Variants in PAQR7 observed in about 807,000 individuals in gnomAD.
PAQR7 encodes progestin and adipoQ receptor family member 7.
In PAQR7, 14 loss-of-function variants were observed where a neutral mutation model predicts 24.6. The ratio of observed to expected loss-of-function variants is 0.57; its 90% CI spans 0.38 to 0.89. The LOEUF (loss-of-function observed/expected upper bound fraction) is 0.89, where lower values mean the gene tolerates loss of function less well. Ranked by LOEUF, PAQR7 falls within the 40% of genes least tolerant of loss-of-function variation. The pLI is 0.00. For synonymous variants in PAQR7, 189 were observed against 198.8 expected (o/e 0.95, Z 0.42); for missense variants, 351 against 444.0 (o/e 0.79, Z 1.88).
In PAQR7 at chr1:25,875,640, G is replaced by T. The variant is rs1034993479; in HGVS notation, c.-261C>A. ...AGCCGCCTCCGCGGGCCCAGGCGAC[G>T]CCGAGCGCCCCGCACCCCGCCCGCC... On this transcript the variant is annotated 5_prime_UTR_variant, in exon 1 of 3. Coordinates refer to ENST00000675840, the MANE Select transcript of PAQR7 (RefSeq NM_178422.6). The surrounding 1 kb of genome is among the most constrained non-coding windows in gnomAD (Gnocchi z 5.4). Among the ~76,000 whole-genome samples, 20 of 150,790 alleles carry T rather than the reference G, an allele frequency of 1.3e-4. No homozygotes were observed. In the East Asian group the frequency reaches 3.6e-3, roughly 27 times the overall value.
Position 25,863,663 on chromosome 1 carries a change from G to C in PAQR7, c.177C>G (p.Arg59=). Residue 59 remains arginine (R), a synonymous_variant, in exon 3 of 3, where the codon CGC becomes CGG. Coordinates refer to ENST00000675840, the MANE Select transcript of PAQR7 (RefSeq NM_178422.6). The surrounding 1 kb of genome is among the most constrained non-coding windows in gnomAD (Gnocchi z 6.1). ...GCTGGAACAGCGTGCGGAAATAGAA[G>C]CGCCAGGTCTGATGCAGCGGCCGGT... ...AGYRPLHQTW[R]FYFRTLFQQH... is the part of the protein sequence containing the mutation. 6.2e-7 allele frequency: 1 copy of C among 1,614,184 alleles called. No individual in the cohort carries two copies. Among genetic ancestry groups the C allele is most frequent in the Non-Finnish European group, 8.5e-7 (1 of 1,180,018 alleles).
chr1:25,871,117 G>A (rs752513159), intron 1 of PAQR7: 2 of 152,202 alleles, frequency 1.3e-5, no homozygotes, highest in Non-Finnish European at 2.9e-5. Context: ...TTCACTGTGT[G>A]CTTAAACATT....
intron 2 of PAQR7, among the ~76,000 whole-genome samples, chr1:25,865,302 C>A (rs1274248720): frequency 1.3e-5 from 2 of 152,218 alleles, no homozygotes; most frequent in Non-Finnish European, 2.9e-5. Context: ...GTGAGCTCAT[C>A]AAGGGGAGGC....
chr1:25,873,971 C>T (rs1159731628), intron 1 of PAQR7, among the ~76,000 whole-genome samples: 1 of 152,036 alleles, frequency 6.6e-6, no homozygotes, highest in African/African-American at 2.4e-5. Context: ...GCAACCTCCG[C>T]CTCCCGGCTT....
In PAQR7 at chr1:25,862,832, C is replaced by T. The variant is rs1353046223; in HGVS notation, c.1008G>A (p.Leu336=). 1 of 1,613,956 alleles carries T rather than the reference C, an allele frequency of 6.2e-7. No homozygotes were observed. Among genetic ancestry groups the T allele is most frequent in the Non-Finnish European group, 8.5e-7 (1 of 1,179,998 alleles). ...TCTTCTGATCAAGTTTGCGCTGTAC[C>T]AGCTGGCTCAGGAGGAATGCAGTGA... is the stretch of plus-strand genomic sequence containing the variant. The part of the protein sequence containing the change: ...SILTAFLLSQ[L]VQRKLDQKTK Residue 336 remains leucine (L), a synonymous_variant, in exon 3 of 3, where the codon CTG becomes CTA. Coordinates refer to ENST00000675840, the MANE Select transcript of PAQR7 (RefSeq NM_178422.6).
chr1:25,867,767 T>A (rs2048569187), intron 2 of PAQR7, among the ~76,000 whole-genome samples: 1 of 152,110 alleles, frequency 6.6e-6, no homozygotes, highest in Non-Finnish European at 1.5e-5. Flanking sequence ...CAAGCCCACA[T>A]CTCCAGAGCC....
intron 1 of PAQR7, among the ~76,000 whole-genome samples, chr1:25,872,746 A>G (rs572375093): frequency 1.4e-4 from 22 of 152,164 alleles, no homozygotes; most frequent in African/African-American, 4.8e-4. Flanking sequence ...CCTGGTCTCA[A>G]GTCATCCTCC....
intron 2 of PAQR7, among the ~76,000 whole-genome samples, chr1:25,869,854 C>T (rs537836908): frequency 1.3e-5 from 2 of 152,250 alleles, no homozygotes; most frequent in South Asian, 4.1e-4. Context: ...CCAGGGAGGC[C>T]CTGGCTCAAG....
intron 1 of PAQR7, among the ~76,000 whole-genome samples, chr1:25,874,726 A>G (rs2048634990): frequency 6.6e-6 from 1 of 152,178 alleles, no homozygotes; most frequent in Non-Finnish European, 1.5e-5. Context: ...GGCCTCCTCC[A>G]GGGGCTGCTA....
At chr1:25,874,045 G>A (rs1017479954) in intron 1 of PAQR7, among the ~76,000 whole-genome samples, 4 of 151,976 alleles carry the variant, frequency 2.6e-5, no homozygotes, top group African/African-American at 4.8e-5. Context: ...CACCACACCC[G>A]GCTAATTTTG....
At position 25,863,382 on chromosome 1, in the gene PAQR7, C is replaced by T. The variant is rs763325248; in HGVS notation, c.458G>A (p.Ser153Asn). The change falls in exon 3 of 3, where the codon AGT becomes AAT. Residue 153 changes from serine to asparagine, a missense_variant. Ser to Asn is a conservative substitution (Grantham distance 46, BLOSUM62 1). Coordinates refer to ENST00000675840, the MANE Select transcript of PAQR7 (RefSeq NM_178422.6). This position sits in a 1 kb window ranked among gnomAD's most constrained non-coding sequence, Gnocchi z 6.1. Reference protein sequence around the residue: ...YVGVAVYQFGSALAHFYYAIE... With the variant: ...YVGVAVYQFGNALAHFYYAIE... ...AGCATAGTAGAAGTGTGCCAAGGCA[C>T]TGCCAAACTGGTACACGGCCACCCC... 1.9e-6 allele frequency: 3 copies of T among 1,614,126 alleles called. No homozygotes were observed. The African/African-American group carries it at 4.0e-5, about 22-fold the overall frequency.
At chr1:25,874,430 G>T (rs573667502) in intron 1 of PAQR7, among the ~76,000 whole-genome samples, 5 of 152,354 alleles carry the variant, frequency 3.3e-5, no homozygotes, top group African/African-American at 9.6e-5. Context: ...GGCCCAGAGA[G>T]GTTGGGTGAA....
At chr1:25,873,861 G>A (rs1355273665) in intron 1 of PAQR7, among the ~76,000 whole-genome samples, 1 of 152,042 alleles carries the variant, frequency 6.6e-6, no homozygotes, top group African/African-American at 2.4e-5. Context: ...ATGAGCCACT[G>A]TGCCCAGCCT....
rs1321643407 is a variant in PAQR7 at position 25,863,253 on chromosome 1, T to C, written c.587A>G (p.Gln196Arg). ...TGTGCGGCCCAGCAGGCCTGGTTTCTGGATGTACTTGTTATAGCAGGAGCC... is the reference window on the plus strand; with the variant it reads ...TGTGCGGCCCAGCAGGCCTGGTTTCCGGATGTACTTGTTATAGCAGGAGCC... The part of the protein sequence containing the change: ...CIGSCYNKYI[Q>R]KPGLLGRTCQ... The change falls in exon 3 of 3, where the codon CAG becomes CGG. Residue 196 changes from glutamine to arginine, a missense_variant. Gln to Arg is a conservative substitution (Grantham distance 43). Transcript: ENST00000675840. This position sits in a 1 kb window ranked among gnomAD's most constrained non-coding sequence, Gnocchi z 6.1. The C allele has an allele frequency of 5.6e-6, 9 of 1,614,126 alleles. No individual in the cohort carries two copies. Among genetic ancestry groups the C allele is most frequent in the Non-Finnish European group, 7.6e-6 (9 of 1,180,042 alleles).
In PAQR7 at chr1:25,863,233, G is replaced by A. The variant is rs770401597; in HGVS notation, c.607C>T (p.Arg203Cys). ...ACGGAGGGCACCTCCTGGCATGTGC[G>A]GCCCAGCAGGCCTGGTTTCTGGATG... Reference protein sequence around the residue: ...KYIQKPGLLGRTCQEVPSVLA... With the variant: ...KYIQKPGLLGCTCQEVPSVLA... The change falls in exon 3 of 3, where the codon CGC (arginine) becomes TGC (cysteine). Residue 203 changes from arginine to cysteine, a missense_variant. Transcript: ENST00000675840. The surrounding 1 kb of genome is among the most constrained non-coding windows in gnomAD (Gnocchi z 6.1). 1.4e-5 allele frequency: 23 copies of A among 1,614,126 alleles called. No homozygotes were observed. The highest frequency in any genetic ancestry group is 1.6e-4 in the Middle Eastern group (1 of 6,084).
intron 2 of PAQR7, among the ~76,000 whole-genome samples, chr1:25,869,146 A>C (rs955081351): frequency 2.0e-5 from 3 of 152,022 alleles, no homozygotes; most frequent in African/African-American, 7.2e-5. Flanking sequence ...AAAAAAAGCC[A>C]GTTTAAATGT....
At position 25,871,576 on chromosome 1, in the gene PAQR7, T is replaced by C. The variant is rs527666342; in HGVS notation, c.-108-882A>G. Among the ~76,000 whole-genome samples the C allele has an allele frequency of 4.6e-5, 7 of 152,008 alleles. No homozygotes were observed. The East Asian group carries it at 1.4e-3, about 30-fold the overall frequency. On this transcript the variant is annotated intron_variant, in intron 1 of 2. Coordinates refer to ENST00000675840, the MANE Select transcript of PAQR7 (RefSeq NM_178422.6). ...ACTTCCTCACCCCTCCCAATTCATA[T>C]TCCTCAACTCAAGGTCAGCCCTCCT...
intron 2 of PAQR7, among the ~76,000 whole-genome samples, chr1:25,864,283 G>A (rs1310780605): frequency 6.6e-6 from 1 of 152,128 alleles, no homozygotes; most frequent in African/African-American, 2.4e-5. Flanking sequence ...TGTTCAACTG[G>A]TGGCAATAAT....
intron 2 of PAQR7, among the ~76,000 whole-genome samples, chr1:25,866,731 TTTTG>T (rs752013768): frequency 2.3e-4 from 35 of 152,188 alleles, no homozygotes; most frequent in Admixed American, 9.2e-4. Context: ...TTTTTGTGTG[TTTTG>T]TTTGTTTGTT....
Sources: gnomAD v4.1 joint callset for allele counts (sites outside exome capture counted in the v4.1 genomes callset) on GRCh38, gnomAD v4.1.1 for gene constraint, Gnocchi (gnomAD v3.1) non-coding constraint, MANE v1.5 for transcripts, NCBI Gene and HGNC (gene_info 2026-07-23, HGNC 2026-07-21) for gene names.